The following CHD2 variants were observed in gnomAD, a reference collection of about 807,000 sequenced individuals.
The protein encoded by CHD2 is ATP-dependent chromatin remodeler CHD2.
CHD2 carries 28 observed loss-of-function variants against 243.9 expected under a neutral mutation model. The ratio of observed to expected loss-of-function variants is 0.11; its 90% CI spans 0.09 to 0.16. CHD2 has a LOEUF of 0.16. Among genes scored for constraint, CHD2 ranks in the 10% least tolerant of loss-of-function variants. The probability of loss-of-function intolerance (pLI) is 1.00; values close to 1 mark genes in which losing one functional copy is unlikely to be tolerated. For synonymous variants in CHD2, 775 were observed against 779.0 expected (o/e 0.99, Z 0.09); for missense variants, 1,386 against 2,209.8 (o/e 0.63, Z 7.47).
At chr15:92,943,301 A>T in intron 9 of CHD2, 1 of 495,702 alleles carries the variant, frequency 2.0e-6, no homozygotes, top group East Asian at 3.7e-5. Flanking sequence ...TTATTCACAC[A>T]TTCTTTAGTT....
intron 14 of CHD2, among the ~76,000 whole-genome samples, chr15:92,954,760 C>T (rs1380489373): frequency 6.6e-6 from 1 of 152,154 alleles, no homozygotes; most frequent in African/African-American, 2.4e-5. Flanking sequence ...CTTTTTACCC[C>T]CACTTGGGGG....
At chr15:92,955,859 T>A (rs2053611706) in intron 15 of CHD2, among the ~76,000 whole-genome samples, 1 of 152,220 alleles carries the variant, frequency 6.6e-6, no homozygotes, top group Admixed American at 6.5e-5. Flanking sequence ...TTATTGTCAG[T>A]CATTGGATGC....
At chr15:92,978,468 C>T in intron 21 of CHD2, 85 bp downstream of exon 21, 4 of 1,395,070 alleles carry the variant, frequency 2.9e-6, no homozygotes, top group South Asian at 2.7e-5. Context: ...TAATAAAATG[C>T]TTTTTCCCTG....
intron 2 of CHD2, among the ~76,000 whole-genome samples, chr15:92,920,877 TTAGTTTGCAAGTTTATTGGGG>T (rs1309047031): frequency 6.6e-6 from 1 of 152,232 alleles, no homozygotes; most frequent in Admixed American, 6.5e-5. Flanking sequence ...GGAGATATGC[TTAGTTTGCAAGTTTATTGGGG>T]AGGTTGACAA....
At chr15:92,961,876 C>CTTTTTTTTTTTTTTTTTTTTTTTT (rs3064790) in intron 16 of CHD2, among the ~76,000 whole-genome samples, 8 of 78,640 alleles carry the variant, frequency 1.0e-4, no homozygotes, top group South Asian at 5.2e-4. Context: ...TTTTTCTTCT[C>CTTTTTTTTTTTTTTTTTTTTTTTT]TTTTTTTTTT....
chr15:92,993,364 G>C (rs1490582704), intron 28 of CHD2: 1 of 185,514 alleles, frequency 5.4e-6, no homozygotes, highest in Non-Finnish European at 1.1e-5. Context: ...AATTATCTTG[G>C]ATATATATTG....
Position 92,955,460 on chromosome 15 carries a change from G to A in CHD2, c.1757G>A (p.Arg586Lys), listed in dbSNP as rs2141814855. 2 of 1,598,050 alleles carry A rather than the reference G, an allele frequency of 1.3e-6. No individual in the cohort carries two copies. The highest frequency in any genetic ancestry group is 1.7e-6 in the Non-Finnish European group (2 of 1,174,372). Residue 586 changes from arginine to lysine, a missense_variant, in exon 15 of 39, where the codon AGA becomes AAA. Transcript: ENST00000394196. ...EYEWIHSQTK[R>K]LKFNALITTY... Reference sequence around the variant, plus strand: ...GAATGGATTCATTCCCAAACCAAAAGATTGAAGTTCAACGCACTTATAACA... The same window carrying A: ...GAATGGATTCATTCCCAAACCAAAAAATTGAAGTTCAACGCACTTATAACA...
At chr15:92,969,354 C>T (rs1321289826) in intron 17 of CHD2, among the ~76,000 whole-genome samples, 2 of 152,244 alleles carry the variant, frequency 1.3e-5, no homozygotes, top group Non-Finnish European at 2.9e-5. Context: ...GCGTTCCCCG[C>T]AATCCCTGTC....
chr15:93,022,012 G>A (rs923859531), intron 38 of CHD2: 2 of 152,198 alleles, frequency 1.3e-5, no homozygotes, highest in Non-Finnish European at 2.9e-5. Flanking sequence ...GTTAAGATTC[G>A]TTAGGTAGAA....
At position 93,020,220 on chromosome 15, in the gene CHD2, T is replaced by C; in HGVS notation, c.5115T>C (p.Ser1705=). ...AGAGGCCTTATGACCAGTACAGCAG[T>C]GACCGAGACCACCGGGGACACAGAG... ...SRKRPYDQYS[S]DRDHRGHRDY... is the part of the protein sequence containing the mutation. Residue 1705 remains serine (S), a synonymous_variant, in exon 38 of 39, where the codon AGT becomes AGC. Transcript: ENST00000394196. 1 of 1,614,026 alleles carries C rather than the reference T, an allele frequency of 6.2e-7. No homozygotes were observed.
chr15:93,001,944 G>C (rs74029215), intron 32 of CHD2, among the ~76,000 whole-genome samples: 251 of 152,300 alleles, frequency 1.6e-3, no homozygotes, highest in African/African-American at 5.8e-3. Context: ...TTGAAGGGTT[G>C]CTATGAGAAT....
At chr15:92,909,700 G>C (rs2052692356) in intron 2 of CHD2, among the ~76,000 whole-genome samples, 1 of 152,062 alleles carries the variant, frequency 6.6e-6, no homozygotes, top group Non-Finnish European at 1.5e-5. Context: ...CACCCCACCT[G>C]TCTAATTTTT....
At chr15:92,909,503 C>G (rs2052688289) in intron 2 of CHD2, among the ~76,000 whole-genome samples, 1 of 152,150 alleles carries the variant, frequency 6.6e-6, no homozygotes, top group South Asian at 2.1e-4. Flanking sequence ...CAGAGTCTCA[C>G]TCTGCTGTGC....
intron 5 of CHD2, among the ~76,000 whole-genome samples, chr15:92,932,728 G>A (rs567735110): frequency 1.5e-3 from 222 of 152,154 alleles, no homozygotes; most frequent in African/African-American, 4.7e-3. Context: ...GCAGAATTAC[G>A]AAGAGACCAA....
chr15:92,920,723 T>C (rs2052938703), intron 2 of CHD2, among the ~76,000 whole-genome samples: 1 of 152,220 alleles, frequency 6.6e-6, no homozygotes, highest in Non-Finnish European at 1.5e-5. Context: ...CATGATTCTA[T>C]TCTTAAACTT....
intron 5 of CHD2, among the ~76,000 whole-genome samples, chr15:92,935,326 G>A (rs761981483): frequency 3.3e-5 from 5 of 152,126 alleles, no homozygotes; most frequent in Non-Finnish European, 7.4e-5. Flanking sequence ...GTGAGCCACC[G>A]CGCCCGACCT....
chr15:93,018,576 T>A (rs1176320709), intron 37 of CHD2, among the ~76,000 whole-genome samples: 2 of 152,264 alleles, frequency 1.3e-5, no homozygotes, highest in African/African-American at 4.8e-5. Context: ...ACTAGGTGGC[T>A]TCAAACATCA....
At chr15:93,009,886 T>A (rs189378990) in intron 35 of CHD2, among the ~76,000 whole-genome samples, 19 of 152,374 alleles carry the variant, frequency 1.2e-4, no homozygotes, top group African/African-American at 2.9e-4. Flanking sequence ...GAAACTTTTT[T>A]AAAAGATTTC....
chr15:93,003,524 C>G (rs2054283459), intron 33 of CHD2, among the ~76,000 whole-genome samples: 1 of 150,298 alleles, frequency 6.7e-6, no homozygotes, highest in East Asian at 1.9e-4. Flanking sequence ...TGTTTATCCA[C>G]TCTCCAGATA....
Sources: gnomAD v4.1 joint callset for allele counts (sites outside exome capture counted in the v4.1 genomes callset) on GRCh38, gnomAD v4.1.1 for gene constraint, MANE v1.5 for transcripts, NCBI Gene and HGNC (gene_info 2026-07-23, HGNC 2026-07-21) for gene names.